The following TYW1 variants were observed in gnomAD, a reference collection of about 807,000 sequenced individuals.
The protein encoded by TYW1 is tRNA-yW synthesizing protein 1 homolog, also known as S-adenosyl-L-methionine-dependent tRNA 4-demethylwyosine synthase TYW1.
In TYW1, 46 loss-of-function variants were observed where a neutral mutation model predicts 96.2. The ratio of observed to expected loss-of-function variants is 0.48; its 90% CI spans 0.38 to 0.61. The LOEUF (loss-of-function observed/expected upper bound fraction) is 0.61. Ranked by LOEUF, TYW1 falls within the 20% of genes least tolerant of loss-of-function variation. TYW1 has a pLI of 0.00. For synonymous variants in TYW1, 274 were observed against 323.0 expected, an observed-to-expected ratio of 0.85 and a Z score of 1.63; for missense variants, 684 against 909.6, an observed-to-expected ratio of 0.75 and a Z score of 3.19.
At chr7:67,160,129 C>T (rs113919725) in intron 13 of TYW1, among the ~76,000 whole-genome samples, 2,809 of 152,042 alleles carry the variant, frequency 0.018, 78 homozygotes, top group African/African-American at 0.064. Flanking sequence ...GAGCCAGAGG[C>T]GGTGGCTAGT....
At chr7:67,060,423 A>G (rs1345625709) in intron 9 of TYW1, among the ~76,000 whole-genome samples, 1 of 152,218 alleles carries the variant, frequency 6.6e-6, no homozygotes, top group East Asian at 1.9e-4. Flanking sequence ...TAATATGACA[A>G]TGTCAGTTTG....
intron 13 of TYW1, among the ~76,000 whole-genome samples, chr7:67,144,395 A>G (rs1318234238): frequency 2.0e-5 from 3 of 152,256 alleles, no homozygotes; most frequent in African/African-American, 7.2e-5. Flanking sequence ...GTATATGAAC[A>G]GACATCTCTT....
chr7:67,023,450 C>G (rs1167640287), intron 6 of TYW1, among the ~76,000 whole-genome samples: 1 of 152,050 alleles, frequency 6.6e-6, no homozygotes, highest in Non-Finnish European at 1.5e-5. Context: ...CTGTTGAAAA[C>G]AAAGAACTAC....
intron 10 of TYW1, among the ~76,000 whole-genome samples, chr7:67,078,531 T>C (rs960555502): frequency 1.3e-5 from 2 of 152,200 alleles, no homozygotes; most frequent in African/African-American, 4.8e-5. Flanking sequence ...AAAATGTCTT[T>C]GGTGGTTTGA....
chr7:67,109,659 T>A (rs1464313398), intron 12 of TYW1, among the ~76,000 whole-genome samples: 2 of 152,088 alleles, frequency 1.3e-5, no homozygotes, highest in African/African-American at 4.8e-5. Flanking sequence ...GGCGGGCGGA[T>A]CATTTGAGGT....
At chr7:67,203,631 A>G (rs904551790) in intron 15 of TYW1, among the ~76,000 whole-genome samples, 1 of 152,302 alleles carries the variant, frequency 6.6e-6, no homozygotes, top group Middle Eastern at 3.4e-3. Context: ...ACATGGCATC[A>G]TATTACAATT....
At chr7:67,227,428 T>C (rs1374164315) in intron 15 of TYW1, among the ~76,000 whole-genome samples, 1 of 152,144 alleles carries the variant, frequency 6.6e-6, no homozygotes, top group Non-Finnish European at 1.5e-5. Context: ...GGCTAATTTT[T>C]GTATTTTTAG....
At chr7:67,124,094 A>C (rs991833323) in intron 13 of TYW1, among the ~76,000 whole-genome samples, 3 of 152,268 alleles carry the variant, frequency 2.0e-5, no homozygotes, top group Admixed American at 2.0e-4. Context: ...TTTAGAACAT[A>C]GATATTGAAG....
intron 13 of TYW1, among the ~76,000 whole-genome samples, chr7:67,160,040 G>A (rs968990479): frequency 2.0e-5 from 3 of 152,050 alleles, no homozygotes; most frequent in African/African-American, 7.2e-5. Flanking sequence ...CTGACCTCGT[G>A]ATCAGCCCGC....
intron 12 of TYW1, among the ~76,000 whole-genome samples, chr7:67,107,962 C>T (rs1471628257): frequency 6.6e-6 from 1 of 150,814 alleles, no homozygotes; most frequent in Non-Finnish European, 1.5e-5. Context: ...CTACAACCTG[C>T]ACCTCCCAGG....
At chr7:67,072,039 G>A (rs1183550700) in intron 10 of TYW1, among the ~76,000 whole-genome samples, 5 of 149,106 alleles carry the variant, frequency 3.4e-5, no homozygotes, top group African/African-American at 5.0e-5. Context: ...TTCCTAGGCC[G>A]CTTCTTAGCA....
chr7:67,180,424 A>ATATATATATATATATATATAT (rs1341437613), intron 13 of TYW1, among the ~76,000 whole-genome samples: 2 of 81,926 alleles, frequency 2.4e-5, no homozygotes, highest in South Asian at 4.4e-4. Flanking sequence ...ATATATATAT[A>ATATATATATATATATATATAT]ATTTTTTTTT....
At chr7:67,079,674 G>A (rs953487378) in intron 10 of TYW1, among the ~76,000 whole-genome samples, 1 of 151,952 alleles carries the variant, frequency 6.6e-6, no homozygotes, top group Non-Finnish European at 1.5e-5. Flanking sequence ...GTTCCCTGAA[G>A]TGCATTGTTA....
At chr7:67,082,872 G>A (rs1796430587) in intron 10 of TYW1, among the ~76,000 whole-genome samples, 1 of 152,116 alleles carries the variant, frequency 6.6e-6, no homozygotes, top group Non-Finnish European at 1.5e-5. Context: ...GGGACCTCAG[G>A]AATATGGAGA....
chr7:67,029,236 C>T (rs1461866880), intron 7 of TYW1, among the ~76,000 whole-genome samples: 7 of 151,474 alleles, frequency 4.6e-5, no homozygotes, highest in African/African-American at 1.2e-4. Context: ...TCACCCACCT[C>T]GGCCTCCCAA....
intron 7 of TYW1, among the ~76,000 whole-genome samples, chr7:67,030,138 A>G (rs938165809): frequency 1.3e-4 from 20 of 152,178 alleles, no homozygotes; most frequent in Non-Finnish European, 2.5e-4. Flanking sequence ...CCATCATGCA[A>G]GCAAGATTGG....
intron 13 of TYW1, among the ~76,000 whole-genome samples, chr7:67,169,990 C>A (rs1397261471): frequency 1.3e-5 from 2 of 151,818 alleles, no homozygotes; most frequent in Non-Finnish European, 2.9e-5. Context: ...TCTTTTTTTC[C>A]TCCTTCTGTT....
intron 9 of TYW1, among the ~76,000 whole-genome samples, chr7:67,062,566 C>CAAAAAAAAAAAAAAAAAAAAAAA (rs56770876): frequency 3.4e-5 from 3 of 89,156 alleles, no homozygotes; most frequent in Non-Finnish European, 6.5e-5. Flanking sequence ...GACTCCGTCT[C>CAAAAAAAAAAAAAAAAAAAAAAA]AAAAAAAAAA....
chr7:67,150,350 GAAAAC>G (rs746572887), intron 13 of TYW1, among the ~76,000 whole-genome samples: 113 of 152,112 alleles, frequency 7.4e-4, no homozygotes, highest in Non-Finnish European at 1.4e-3. Context: ...CTCAGATCAG[GAAAAC>G]AAAACAAAAC....
Sources: allele counts gnomAD v4.1 joint callset (sites outside exome capture counted in the v4.1 genomes callset), GRCh38; gene constraint gnomAD v4.1.1; transcripts MANE v1.5; gene names NCBI Gene and HGNC (gene_info 2026-07-23, HGNC 2026-07-21).